AGAP1: variants seen among roughly 807,000 people sequenced by gnomAD.
AGAP1 encodes the protein arf-GAP with GTPase, ANK repeat and PH domain-containing protein 1.
AGAP1 carries 29 observed loss-of-function variants against 105.3 expected under a neutral mutation model. The observed-to-expected ratio is 0.28, with a 90% CI of 0.21 to 0.38. The LOEUF is 0.38. Among genes scored for constraint, AGAP1 ranks in the 10% least tolerant of loss-of-function variants. AGAP1 has a pLI of 1.00. For missense variants in AGAP1, 998 were observed against 1,165.1 expected, an observed-to-expected ratio of 0.86 and a Z score of 2.09; for synonymous variants, 509 against 485.9, an observed-to-expected ratio of 1.05 and a Z score of -0.63.
chr2:235,518,633 G>A (rs1942492968), intron 1 of AGAP1, among the ~76,000 whole-genome samples: 1 of 152,158 alleles, frequency 6.6e-6, no homozygotes, highest in South Asian at 2.1e-4. Context: ...TCTGCCATAG[G>A]ACAAAGAGAA....
rs1943179880 is a variant in AGAP1 at position 235,535,449 on chromosome 2, AT to A, written c.163+40601del. 2.7e-5 allele frequency among the ~76,000 whole-genome samples: 4 copies of A among 150,838 alleles called. No homozygotes were observed. Among genetic ancestry groups the A allele is most frequent in the Non-Finnish European group, 4.4e-5 (3 of 67,750 alleles). ...CTTCACTGCCCTTTTTCTTTTTCCC[AT>A]CGAGGTGCAGGAGGAATTGATCTTA... On this transcript the variant is annotated intron_variant, in intron 1 of 17. Coordinates refer to ENST00000304032, the MANE Select transcript of AGAP1 (RefSeq NM_001037131.3). This position sits in a 1 kb window ranked among gnomAD's most constrained non-coding sequence, Gnocchi z 5.1.
Position 235,692,548 on chromosome 2 carries a change from G to A in AGAP1, c.164-16631G>A, listed in dbSNP as rs1166191857. Among the ~76,000 whole-genome samples the A allele has an allele frequency of 2.0e-5, 3 of 151,946 alleles. No individual in the cohort carries two copies. Among genetic ancestry groups the A allele is most frequent in the African/African-American group, 7.3e-5 (3 of 41,346 alleles). ...GCATCAAACCATACTTCGCCCTGCT[G>A]CCCCTATGCTCTCCCCCCTTGCCCT... On this transcript the variant is annotated intron_variant, in intron 1 of 17. Coordinates refer to ENST00000304032, the MANE Select transcript of AGAP1 (RefSeq NM_001037131.3). The surrounding 1 kb of genome is among the most constrained non-coding windows in gnomAD (Gnocchi z 5.8).
Position 235,517,490 on chromosome 2 carries a change from G to C in AGAP1, c.163+22641G>C, listed in dbSNP as rs1453299138. Among the ~76,000 whole-genome samples, 1 of 152,146 alleles carries C rather than the reference G, an allele frequency of 6.6e-6. No homozygotes were observed. The highest frequency in any genetic ancestry group is 1.5e-5 in the Non-Finnish European group (1 of 68,042). ...TTTATGGTAATTTTATTTTAATTGA[G>C]GTCGCAGGGACTAATTTTTACTGGA... On this transcript the variant is annotated intron_variant, in intron 1 of 17. Transcript: ENST00000304032. This position sits in a 1 kb window ranked among gnomAD's most constrained non-coding sequence, Gnocchi z 4.1.
intron 1 of AGAP1, among the ~76,000 whole-genome samples, chr2:235,527,808 T>G (rs1263834406): frequency 6.6e-6 from 1 of 152,232 alleles, no homozygotes; most frequent in Non-Finnish European, 1.5e-5. Context: ...TGTCTGTCAT[T>G]ACAGATGTGC....
At chr2:235,990,599 C>T (rs139132424) in intron 13 of AGAP1, among the ~76,000 whole-genome samples, 20 of 152,274 alleles carry the variant, frequency 1.3e-4, no homozygotes, top group African/African-American at 4.8e-4. Context: ...GGGCAGGCAT[C>T]ACATGAGAGA....
At position 235,740,621 on chromosome 2, in the gene AGAP1, G is replaced by T. The variant is rs2149660471; in HGVS notation, c.311-342G>T. On this transcript the variant is annotated intron_variant, in intron 3 of 17. Transcript: ENST00000304032. The surrounding 1 kb of genome is among the most constrained non-coding windows in gnomAD (Gnocchi z 5.7). Reference sequence around the variant, plus strand: ...TGTTTCAGTTTTGTGAACCCAACAAGAGAATGACAATTTTAATGTTCTCTG... The same window carrying T: ...TGTTTCAGTTTTGTGAACCCAACAATAGAATGACAATTTTAATGTTCTCTG... Among the ~76,000 whole-genome samples, 1 of 152,340 alleles carries T rather than the reference G, an allele frequency of 6.6e-6. No individual in the cohort carries two copies. Among genetic ancestry groups the T allele is most frequent in the East Asian group, 1.9e-4 (1 of 5,188 alleles).
rs1575298509 is a variant in AGAP1 at position 235,744,591 on chromosome 2, G to A, written c.397-107G>A. ...AAAGTCAAGCACCCAGTGTGTGACC[G>A]AGGGGATTCCTGCAGCCCCCTGCTG... On this transcript the variant is annotated intron_variant, in intron 4 of 17. Transcript: ENST00000304032. The surrounding 1 kb of genome is among the most constrained non-coding windows in gnomAD (Gnocchi z 5.2). 9 of 1,388,296 alleles carry A rather than the reference G, an allele frequency of 6.5e-6. No homozygotes were observed. Among genetic ancestry groups the A allele is most frequent in the South Asian group, 1.3e-5 (1 of 78,740 alleles). The allele number at this position is 1,388,296 out of a possible 1,614,324, so 86.0% of individuals were successfully genotyped here. A position where few individuals can be genotyped will look rare whatever the true frequency, so the allele number is the denominator to read the frequency against.
intron 10 of AGAP1, among the ~76,000 whole-genome samples, chr2:235,890,787 T>C (rs1028391443): frequency 6.6e-6 from 1 of 152,134 alleles, no homozygotes; most frequent in Non-Finnish European, 1.5e-5. Context: ...TTTGATGACA[T>C]TGTCTTCTAG....
At chr2:235,709,338 A>G in intron 2 of AGAP1, 101 bp downstream of exon 2, 2 of 1,348,450 alleles carry the variant, frequency 1.5e-6, no homozygotes, top group Non-Finnish European at 2.1e-6. Context: ...TGGGGCCCAG[A>G]GTGGAAGTGT....
chr2:235,513,899 C>T (rs931348436), intron 1 of AGAP1, among the ~76,000 whole-genome samples: 2 of 152,200 alleles, frequency 1.3e-5, no homozygotes, highest in Non-Finnish European at 2.9e-5. Flanking sequence ...CCCAACAACA[C>T]ACAGCACCCC....
At position 235,665,258 on chromosome 2, in the gene AGAP1, G is replaced by A. The variant is rs1196018114; in HGVS notation, c.164-43921G>A. ...TGTTCTGTTGGCAGGAATTGCTATC[G>A]TTGGTCCTTAAGGAAAAACACAGGA... is the stretch of plus-strand genomic sequence containing the variant. On this transcript the variant is annotated intron_variant, in intron 1 of 17. Transcript: ENST00000304032. This position sits in a 1 kb window ranked among gnomAD's most constrained non-coding sequence, Gnocchi z 5.3. 2.6e-5 allele frequency among the ~76,000 whole-genome samples: 4 copies of A among 152,166 alleles called. No individual in the cohort carries two copies. The highest frequency in any genetic ancestry group is 1.9e-4 in the East Asian group (1 of 5,184).
rs1436429012 is a variant in AGAP1, at chr2:236,101,371, C to A, written c.2115-18821C>A. Among the ~76,000 whole-genome samples, 1 of 152,224 alleles carries A rather than the reference C, an allele frequency of 6.6e-6. No homozygotes were observed. Among genetic ancestry groups the A allele is most frequent in the African/African-American group, 2.4e-5 (1 of 41,468 alleles). Reference sequence around the variant, plus strand: ...CTTGGCAGTTTTTATTGGAAGCCTACTTGGAGTTCTCTGCAGCTTTTTCTG... The same window carrying A: ...CTTGGCAGTTTTTATTGGAAGCCTAATTGGAGTTCTCTGCAGCTTTTTCTG... On this transcript the variant is annotated intron_variant, in intron 16 of 17. Coordinates refer to ENST00000304032, the MANE Select transcript of AGAP1 (RefSeq NM_001037131.3). This position sits in a 1 kb window ranked among gnomAD's most constrained non-coding sequence, Gnocchi z 4.9.
At chr2:235,673,345 A>G (rs1948539059) in intron 1 of AGAP1, among the ~76,000 whole-genome samples, 1 of 152,248 alleles carries the variant, frequency 6.6e-6, no homozygotes, top group African/African-American at 2.4e-5. Context: ...CAGATACAGT[A>G]GAGCCCAAGC....
chr2:235,912,571 C>G (rs2051670408), intron 11 of AGAP1, among the ~76,000 whole-genome samples: 1 of 152,182 alleles, frequency 6.6e-6, no homozygotes, highest in South Asian at 2.1e-4. Flanking sequence ...CTTCCCGTAA[C>G]TTGCATTCAC....
chr2:235,630,048 T>A (rs1375556941), intron 1 of AGAP1, among the ~76,000 whole-genome samples: 1 of 152,164 alleles, frequency 6.6e-6, no homozygotes, highest in African/African-American at 2.4e-5. Context: ...TAATTTTTTT[T>A]TCCAGCAGGA....
At chr2:235,718,357 T>A (rs1222649687) in intron 3 of AGAP1, 2 of 985,208 alleles carry the variant, frequency 2.0e-6, no homozygotes, top group Non-Finnish European at 2.4e-6. Context: ...TTCTTTTTCT[T>A]ACTGGCTGTT....
chr2:235,678,172 C>G (rs62189234), intron 1 of AGAP1, among the ~76,000 whole-genome samples: 3 of 151,814 alleles, frequency 2.0e-5, no homozygotes, highest in Non-Finnish European at 4.4e-5. Context: ...CTCACTCTTC[C>G]GGCTATTTCA....
chr2:235,496,648 A>G (rs977923470), intron 1 of AGAP1, among the ~76,000 whole-genome samples: 9 of 152,090 alleles, frequency 5.9e-5, no homozygotes, highest in Non-Finnish European at 1.3e-4. Context: ...GGTTCACAAC[A>G]CCTCGTTTTT....
chr2:236,024,178 A>C (rs2056979807), intron 13 of AGAP1, among the ~76,000 whole-genome samples: 1 of 151,560 alleles, frequency 6.6e-6, no homozygotes, highest in Admixed American at 6.6e-5. Flanking sequence ...CTACAGGCAC[A>C]CACCACCACG....
Sources: allele counts gnomAD v4.1 joint callset (sites outside exome capture counted in the v4.1 genomes callset), GRCh38; gene constraint gnomAD v4.1.1; non-coding constraint Gnocchi (gnomAD v3.1); transcripts MANE v1.5; gene names NCBI Gene and HGNC (gene_info 2026-07-23, HGNC 2026-07-21).